The following RSF1 variants were observed in gnomAD, a reference collection of about 807,000 sequenced individuals.
RSF1 encodes the protein remodeling and spacing factor 1, also known as HBV pX-associated protein 8.
A neutral mutation model predicts 145.2 loss-of-function variants in RSF1; 13 were observed. The ratio of observed to expected loss-of-function variants is 0.09; its 90% CI spans 0.06 to 0.14. The LOEUF (loss-of-function observed/expected upper bound fraction) is 0.14. Among genes scored for constraint, RSF1 ranks in the 10% least tolerant of loss-of-function variants. The pLI, the probability that RSF1 is intolerant of heterozygous loss-of-function variation, is 1.00. For synonymous variants in RSF1, 577 were observed against 592.6 expected, an observed-to-expected ratio of 0.97 and a Z score of 0.38; for missense variants, 1,517 against 1,718.2, an observed-to-expected ratio of 0.88 and a Z score of 2.07.
intron 14 of RSF1, 92 bp from the exon 15 acceptor site, chr11:77,672,322 T>C (rs1959576582): frequency 1.0e-6 from 1 of 997,616 alleles, no homozygotes; most frequent in African/African-American, 1.6e-5. Context: ...CCAAGCAGAG[T>C]TCAGTCATAA....
In RSF1 at chr11:77,660,779, A is replaced by C. The variant is rs1212952268; in HGVS notation, c.*6138T>G. The C allele has an allele frequency of 6.8e-6, 1 of 147,910 alleles. No homozygotes were observed. Among genetic ancestry groups the C allele is most frequent in the East Asian group, 2.0e-4 (1 of 5,092 alleles). The allele number at this position is 147,910 out of a possible 1,614,324, so 9.2% of individuals were successfully genotyped here. A position where few individuals can be genotyped will look rare whatever the true frequency, so the allele number is the denominator to read the frequency against. ...TCATGATCTGCAGGCTTCCCTTCTGAATGAGGATAGCAAAAAACTGACGCT... is the reference window on the plus strand; with the variant it reads ...TCATGATCTGCAGGCTTCCCTTCTGCATGAGGATAGCAAAAAACTGACGCT... On this transcript the variant is annotated 3_prime_UTR_variant, in exon 16 of 16. Coordinates refer to ENST00000308488, the MANE Select transcript of RSF1 (RefSeq NM_016578.4).
chr11:77,687,728 A>T (rs899317094), intron 9 of RSF1, among the ~76,000 whole-genome samples: 1 of 152,148 alleles, frequency 6.6e-6, no homozygotes, highest in Admixed American at 6.5e-5. Flanking sequence ...ACATTTAAAC[A>T]AAGAGGATTA....
chr11:77,732,233 C>T (rs1178581794), intron 4 of RSF1, among the ~76,000 whole-genome samples: 1 of 152,228 alleles, frequency 6.6e-6, no homozygotes. Context: ...ATGGGGCCTA[C>T]AGCCCCTTTG....
chr11:77,690,979 A>G (rs1253988219), intron 9 of RSF1, 180 bp downstream of exon 9: 18 of 536,462 alleles, frequency 3.4e-5, no homozygotes, highest in Non-Finnish European at 4.9e-5. Flanking sequence ...CCCCCCAATC[A>G]TTTAAAAACA....
chr11:77,742,115 A>G (rs1478462749), intron 3 of RSF1, among the ~76,000 whole-genome samples: 1 of 152,240 alleles, frequency 6.6e-6, no homozygotes, highest in Non-Finnish European at 1.5e-5. Context: ...ACAGGAGTGC[A>G]GATACCACTT....
In RSF1 at chr11:77,764,701, G is replaced by C; in HGVS notation, c.188-12C>G. On this transcript the variant is annotated splice_polypyrimidine_tract_variant and intron_variant, in intron 1 of 15. Coordinates refer to ENST00000308488, the MANE Select transcript of RSF1 (RefSeq NM_016578.4). ...CAATTCTTTTGGTACTTAAAAGAAA[G>C]AAAAAAAATATCATTAGCCAACAAA... is the stretch of plus-strand genomic sequence containing the variant. 1 of 1,467,156 alleles carries C rather than the reference G, an allele frequency of 6.8e-7. No homozygotes were observed. 90.9% of individuals were successfully genotyped at this position (1,467,156 alleles called of 1,614,324 possible).
intron 4 of RSF1, among the ~76,000 whole-genome samples, chr11:77,726,663 T>C (rs1460635450): frequency 6.6e-6 from 1 of 152,170 alleles, no homozygotes; most frequent in East Asian, 1.9e-4. Context: ...GATATGCCAC[T>C]AGATTATTAA....
Position 77,672,066 on chromosome 11 carries a change from T to C in RSF1, c.3727A>G (p.Arg1243Gly). 1 of 1,613,012 alleles carries C rather than the reference T, an allele frequency of 6.2e-7. No homozygotes were observed. The highest frequency in any genetic ancestry group is 1.3e-5 in the African/African-American group (1 of 74,950). ...CCTTCACTCTCTGAGCTGGAAAGTC[T>C]TCGCTTGTGTACTCGCCTTATTTCT... Reference protein sequence around the residue: ...GKEIRRVHKRRLSSSESEESY... With the variant: ...GKEIRRVHKRGLSSSESEESY... The change falls in exon 15 of 16, where the codon AGA becomes GGA. Residue 1243 changes from arginine (R) to glycine (G), a missense_variant. By Grantham distance (125) the Arg-to-Gly change is moderately radical (BLOSUM62 -2). Coordinates refer to ENST00000308488, the MANE Select transcript of RSF1 (RefSeq NM_016578.4).
chr11:77,758,338 T>C (rs192902061), intron 2 of RSF1, among the ~76,000 whole-genome samples: 2 of 152,322 alleles, frequency 1.3e-5, no homozygotes, highest in Non-Finnish European at 2.9e-5. Context: ...TTCTGTTCAA[T>C]GCAAAATCCA....
At chr11:77,778,693 A>C (rs959985487) in intron 1 of RSF1, among the ~76,000 whole-genome samples, 2 of 152,120 alleles carry the variant, frequency 1.3e-5, no homozygotes, top group Non-Finnish European at 2.9e-5. Flanking sequence ...GTTGCCCAGG[A>C]CTAAATGGAC....
intron 13 of RSF1, among the ~76,000 whole-genome samples, chr11:77,675,930 A>C (rs748521905): frequency 1.3e-5 from 2 of 152,234 alleles, no homozygotes; most frequent in Non-Finnish European, 2.9e-5. Flanking sequence ...ACACTTATGC[A>C]TGACAAATAA....
rs57544945 is a variant in RSF1, at chr11:77,682,311, G to A, written c.3065+1399C>T. ...AAATAAGAAGCAAGTTCAAAGTTAA[G>A]AGTTTCATAAAATCCACTGTTTTCC... On this transcript the variant is annotated intron_variant, in intron 11 of 15. Coordinates refer to ENST00000308488, the MANE Select transcript of RSF1 (RefSeq NM_016578.4). Among the ~76,000 whole-genome samples the A allele has an allele frequency of 1.8e-3, 268 of 152,226 alleles. 2 individuals are homozygous for A. The highest frequency in any genetic ancestry group is 6.8e-3 in the Middle Eastern group (2 of 294).
At chr11:77,685,002 A>C in intron 10 of RSF1, 103 bp downstream of exon 10, 1 of 554,800 alleles carries the variant, frequency 1.8e-6, no homozygotes. Context: ...TAAATAAATA[A>C]ATAAATAAAT....
At chr11:77,742,519 C>A (rs1237786732) in intron 3 of RSF1, among the ~76,000 whole-genome samples, 1 of 152,144 alleles carries the variant, frequency 6.6e-6, no homozygotes, top group Non-Finnish European at 1.5e-5. Flanking sequence ...ACCTCGTGAT[C>A]CGCCTGCCTT....
In RSF1 at chr11:77,663,682, T is replaced by C. The variant is rs935979760; in HGVS notation, c.*3235A>G. On this transcript the variant is annotated 3_prime_UTR_variant, in exon 16 of 16. Transcript: ENST00000308488. ...TCATTTTGCAGTAATGTGCCAATGA[T>C]GGAAAATGTTTTACACTAATTTCAT... is the stretch of plus-strand genomic sequence containing the variant. 3 of 152,216 alleles carry C rather than the reference T, an allele frequency of 2.0e-5. No homozygotes were observed. The highest frequency in any genetic ancestry group is 7.2e-5 in the African/African-American group (3 of 41,466). The allele number at this position is 152,216 out of a possible 1,614,324, so 9.4% of individuals were successfully genotyped here.
chr11:77,730,685 T>C (rs894963971), intron 4 of RSF1, among the ~76,000 whole-genome samples: 4 of 152,148 alleles, frequency 2.6e-5, no homozygotes, highest in East Asian at 1.9e-4. Context: ...TGGGAGGTGA[T>C]TGAATTATGG....
chr11:77,721,775 A>C (rs1960945754), intron 5 of RSF1, among the ~76,000 whole-genome samples: 1 of 152,210 alleles, frequency 6.6e-6, no homozygotes, highest in South Asian at 2.1e-4. Flanking sequence ...TATATGCCTA[A>C]AATCATGCTT....
intron 2 of RSF1, among the ~76,000 whole-genome samples, chr11:77,755,504 G>A (rs1948106583): frequency 6.6e-6 from 1 of 152,124 alleles, no homozygotes; most frequent in South Asian, 2.1e-4. Context: ...TCTAAGAAAT[G>A]TGTTGCTGAA....
At chr11:77,780,657 T>G (rs1948392978) in intron 1 of RSF1, among the ~76,000 whole-genome samples, 1 of 151,992 alleles carries the variant, frequency 6.6e-6, no homozygotes, top group African/African-American at 2.4e-5. Context: ...GAAACCTGTC[T>G]CTACTAAAAA....
Sources: allele counts gnomAD v4.1 joint callset (sites outside exome capture counted in the v4.1 genomes callset), GRCh38; gene constraint gnomAD v4.1.1; transcripts MANE v1.5; gene names NCBI Gene and HGNC (gene_info 2026-07-23, HGNC 2026-07-21).